CDK12: variants seen among roughly 807,000 people sequenced by gnomAD.
The protein encoded by CDK12 is cyclin dependent kinase 12.
Under a neutral mutation model 133.8 loss-of-function variants are expected in CDK12, and 17 were observed. That is an observed-to-expected ratio of 0.13 (90% confidence interval 0.09 to 0.19). The LOEUF (loss-of-function observed/expected upper bound fraction) is 0.19, where lower values mean the gene tolerates loss of function less well. CDK12 is among the 10% of genes least tolerant of loss of function. CDK12 has a pLI of 1.00. For synonymous variants in CDK12, 694 were observed against 683.6 expected, an observed-to-expected ratio of 1.02 and a Z score of -0.24; for missense variants, 1,508 against 1,818.7, an observed-to-expected ratio of 0.83 and a Z score of 3.11.
chr17:39,467,603 AAC>A (rs2049442655), intron 1 of CDK12, among the ~76,000 whole-genome samples: 1 of 152,172 alleles, frequency 6.6e-6, no homozygotes. Context: ...AAGGGTTTCT[AAC>A]AGACTTCCTT....
At chr17:39,482,505 C>T (rs1015665138) in intron 2 of CDK12, among the ~76,000 whole-genome samples, 3 of 150,708 alleles carry the variant, frequency 2.0e-5, no homozygotes, top group Non-Finnish European at 4.4e-5. Flanking sequence ...GAACACTTCA[C>T]GAATTTGTGT....
chr17:39,462,801 C>G lies in CDK12; in HGVS notation c.730C>G (p.Gln244Glu). 6.2e-7 allele frequency: 1 copy of G among 1,614,142 alleles called. No individual in the cohort carries two copies. Among genetic ancestry groups the G allele is most frequent in the Non-Finnish European group, 8.5e-7 (1 of 1,180,032 alleles). Reference sequence around the variant, plus strand: ...TAGCCCCTCGGGAGCTTCTTATGGCCAAGATTATGACCTTAGTCCCTCACG... The same window carrying G: ...TAGCCCCTCGGGAGCTTCTTATGGCGAAGATTATGACCTTAGTCCCTCACG... ...DDSPSGASYG[Q>E]DYDLSPSRSH... The change falls in exon 1 of 14, where the codon CAA becomes GAA. Residue 244 changes from glutamine to glutamate, a missense_variant. Around this residue, in one of 9 missense-constraint regions of CDK12, gnomAD observed 460 missense variants for 490.8 expected, o/e 0.94. Coordinates refer to ENST00000447079, the MANE Select transcript of CDK12 (RefSeq NM_016507.4).
intron 3 of CDK12, among the ~76,000 whole-genome samples, chr17:39,557,510 C>T (rs1398300468): frequency 6.6e-6 from 1 of 152,140 alleles, no homozygotes; most frequent in South Asian, 2.1e-4. Flanking sequence ...CATGGAGGGG[C>T]ACTGTGTGTT....
intron 2 of CDK12, among the ~76,000 whole-genome samples, chr17:39,490,337 A>G (rs1001136602): frequency 6.6e-6 from 1 of 151,862 alleles, no homozygotes; most frequent in East Asian, 1.9e-4. Flanking sequence ...ACTGCATTCT[A>G]GCCTGGGCGA....
intron 1 of CDK12, among the ~76,000 whole-genome samples, chr17:39,539,819 TAGAAC>T (rs1197090506): frequency 4.6e-5 from 7 of 152,136 alleles, no homozygotes; most frequent in African/African-American, 7.2e-5. Context: ...ATAGGGGACA[TAGAAC>T]AGAAGAGGAA....
intron 8 of CDK12, among the ~76,000 whole-genome samples, chr17:39,512,984 A>G (rs1391412337): frequency 1.3e-5 from 2 of 152,130 alleles, no homozygotes. Context: ...GTGGGAGCTT[A>G]TTCAGGTTAT....
Position 39,531,107 on chromosome 17 carries a change from A to T in CDK12, c.4264A>T (p.Lys1422Ter). ...LHPVVGQPFL[K>*]AEGSSNSVVH... ...CCCGGTGGTCGGGCAACCATTCCTG[A>T]AGGCTGAGGGAAGCAGCAATTCTGT... Residue 1422 changes from lysine to a stop codon, truncating the protein, a stop_gained, in exon 14 of 14, where the codon AAG becomes TAG. Transcript: ENST00000447079. LOFTEE classifies it high-confidence loss of function. The T allele has an allele frequency of 6.3e-7, 1 of 1,582,216 alleles. No homozygotes were observed. The highest frequency in any genetic ancestry group is 8.6e-7 in the Non-Finnish European group (1 of 1,165,690).
intron 1 of CDK12, among the ~76,000 whole-genome samples, chr17:39,466,477 G>C (rs1035799797): frequency 1.3e-5 from 2 of 151,058 alleles, no homozygotes; most frequent in African/African-American, 4.8e-5. Context: ...AGCTGGGCGT[G>C]GTGTCACATG....
intron 9 of CDK12, among the ~76,000 whole-genome samples, chr17:39,516,293 G>A (rs1039855018): frequency 1.3e-5 from 2 of 152,120 alleles, no homozygotes; most frequent in South Asian, 2.1e-4. Context: ...TGGCATTTGG[G>A]TGGGTTTGTT....
chr17:39,509,813 T>C (rs767375093), intron 7 of CDK12, 52 bp downstream of exon 7: 1 of 1,387,352 alleles, frequency 7.2e-7, no homozygotes, highest in South Asian at 1.2e-5. Context: ...TTTTGTTTTG[T>C]TTTTTTGAGG....
At chr17:39,467,980 G>A (rs555060089) in intron 1 of CDK12, among the ~76,000 whole-genome samples, 5 of 151,464 alleles carry the variant, frequency 3.3e-5, no homozygotes, top group East Asian at 1.9e-4. Flanking sequence ...TGCAACCTCC[G>A]CCTCCCGGGT....
At position 39,563,471 on chromosome 17, in the gene CDK12, C is replaced by CT. The variant is rs967956886; in HGVS notation, n.485-1289_485-1288insT. 2.2e-5 allele frequency among the ~76,000 whole-genome samples: 2 copies of CT among 89,164 alleles called. 1 individual carries two copies. The highest frequency in any genetic ancestry group is 4.6e-5 in the Non-Finnish European group (2 of 43,032). The allele number at this position is 89,164 out of a possible 152,430, so 58.5% of individuals were successfully genotyped here. A position where few individuals can be genotyped will look rare whatever the true frequency, so the allele number is the denominator to read the frequency against. Reference sequence around the variant, plus strand: ...TTCTTCTCTTGCTTCCCGCCCCCCCCCCGCCCCCATATCTCTCTAGGGAAA... The same window carrying CT: ...TTCTTCTCTTGCTTCCCGCCCCCCCCTCCGCCCCCATATCTCTCTAGGGAAA... On this transcript the variant is annotated intron_variant and non_coding_transcript_variant, in intron 3 of 3. Coordinates refer to the CDK12 transcript ENST00000558240.
chr17:39,506,662 T>G (rs1459134012), intron 6 of CDK12, among the ~76,000 whole-genome samples: 1 of 152,108 alleles, frequency 6.6e-6, no homozygotes, highest in Non-Finnish European at 1.5e-5. Context: ...TTTGGTTAAT[T>G]AACCAAGGGG....
intron 3 of CDK12, among the ~76,000 whole-genome samples, chr17:39,492,428 G>GA (rs1167264025): frequency 7.6e-6 from 1 of 130,880 alleles, no homozygotes; most frequent in Non-Finnish European, 1.6e-5. Context: ...TTCTTTTTGA[G>GA]AGGGTGTCTT....
chr17:39,552,176 G>A (rs976258896), intron 2 of CDK12, among the ~76,000 whole-genome samples: 2 of 152,128 alleles, frequency 1.3e-5, no homozygotes, highest in Non-Finnish European at 2.9e-5. Flanking sequence ...CTGCAGACAG[G>A]ATGAGAAGAG....
At position 39,524,831 on chromosome 17, in the gene CDK12, G is replaced by A. The variant is rs376349231; in HGVS notation, c.3253G>A (p.Ala1085Thr). 1.1e-4 allele frequency: 178 copies of A among 1,614,106 alleles called. No individual in the cohort carries two copies. Among genetic ancestry groups the A allele is most frequent in the Non-Finnish European group, 1.5e-4 (175 of 1,180,046 alleles). Residue 1085 changes from alanine (A) to threonine (T), a missense_variant, in exon 12 of 14, where the codon GCA becomes ACA. Coordinates refer to ENST00000447079, the MANE Select transcript of CDK12 (RefSeq NM_016507.4). ...TGAGCCTGTGAAGAACAGCAGCCCA[G>A]CACCACCTCAGCCTGCTCCTGGCAA... ...STEPVKNSSP[A>T]PPQPAPGKVE...
chr17:39,548,097 C>T (rs1410025838), upstream of CDK12, among the ~76,000 whole-genome samples: 3 of 152,144 alleles, frequency 2.0e-5, no homozygotes, highest in Non-Finnish European at 2.9e-5. Context: ...TTCTGCCACA[C>T]GAGGGCGCTG....
At chr17:39,479,752 A>G (rs970039748) in intron 2 of CDK12, among the ~76,000 whole-genome samples, 4 of 150,972 alleles carry the variant, frequency 2.6e-5, no homozygotes, top group African/African-American at 9.8e-5. Context: ...TCAGCCTCCC[A>G]AGTAGCTGAG....
chr17:39,465,724 C>T (rs1429313105), intron 1 of CDK12, among the ~76,000 whole-genome samples: 1 of 152,064 alleles, frequency 6.6e-6, no homozygotes, highest in Non-Finnish European at 1.5e-5. Flanking sequence ...CTCCTGACCT[C>T]AGGTGATCCG....
Sources: gnomAD v4.1 joint callset for allele counts (sites outside exome capture counted in the v4.1 genomes callset) on GRCh38, gnomAD v4.1.1 for gene constraint, gnomAD v4.1.1 regional missense constraint, MANE v1.5 for transcripts, NCBI Gene and HGNC (gene_info 2026-07-23, HGNC 2026-07-21) for gene names.